The following GLMN variants were observed in gnomAD, a reference collection of about 807,000 sequenced individuals.
GLMN encodes the protein glomulin, FKBP associated protein, also known as glomulin.
Under a neutral mutation model 87.8 loss-of-function variants are expected in GLMN, and 75 were observed. The observed-to-expected ratio is 0.85, with a 90% CI of 0.71 to 1.04. GLMN has a LOEUF of 1.04. Among genes scored for constraint, GLMN ranks in the 50% least tolerant of loss-of-function variants. The pLI is 0.00. For synonymous variants in GLMN, 206 were observed against 221.6 expected (o/e 0.93, Z 0.63); for missense variants, 588 against 658.8 (o/e 0.89, Z 1.18).
the GLMN span, among the ~76,000 whole-genome samples, chr1:92,308,361 C>T: frequency 6.6e-6 from 1 of 152,212 alleles, no homozygotes; most frequent in Non-Finnish European, 1.5e-5. Context: ...TTCGACATGA[C>T]TGGGAAGCTA....
chr1:92,269,869 C>A, intron 8 of GLMN, 93 bp from the exon 9 acceptor site: 1 of 856,396 alleles, frequency 1.2e-6, no homozygotes, highest in Non-Finnish European at 1.9e-6. Context: ...TGTATCTCCC[C>A]CAAAAAAGAT....
At chr1:92,299,108 G>A (rs916382901), upstream of GLMN, 7 of 1,520,686 alleles carry the variant, frequency 4.6e-6, no homozygotes, top group African/African-American at 1.4e-5. Context: ...TCTGCCGGCC[G>A]CAAGGCCGGG....
the GLMN span, among the ~76,000 whole-genome samples, chr1:92,308,060 G>T: frequency 6.6e-6 from 1 of 151,824 alleles, no homozygotes; most frequent in Non-Finnish European, 1.5e-5. Context: ...ATGCAGGTTA[G>T]CTAAAAAGCT....
chr1:92,354,047 G>T, the GLMN span, among the ~76,000 whole-genome samples: 1 of 152,092 alleles, frequency 6.6e-6, no homozygotes, highest in African/African-American at 2.4e-5. Flanking sequence ...TGAGCAAAAA[G>T]ATGTGCACTC....
the GLMN span, among the ~76,000 whole-genome samples, chr1:92,317,514 T>A: frequency 1.3e-3 from 193 of 151,596 alleles, no homozygotes; most frequent in African/African-American, 4.4e-3. Context: ...TCAAAAAAAA[T>A]AAAAATAAAA....
At chr1:92,277,993 A>G (rs1647493629) in intron 7 of GLMN, among the ~76,000 whole-genome samples, 1 of 152,154 alleles carries the variant, frequency 6.6e-6, no homozygotes, top group Non-Finnish European at 1.5e-5. Flanking sequence ...TGAGGTATTT[A>G]GCCCTCAACC....
the GLMN span, among the ~76,000 whole-genome samples, chr1:92,321,155 A>G: frequency 6.6e-6 from 1 of 152,218 alleles, no homozygotes; most frequent in African/African-American, 2.4e-5. Flanking sequence ...TTCCTAGTTA[A>G]TAGTCACTAC....
chr1:92,272,178 G>A (rs1656307228), intron 7 of GLMN, among the ~76,000 whole-genome samples: 1 of 152,214 alleles, frequency 6.6e-6, no homozygotes, highest in Admixed American at 6.5e-5. Flanking sequence ...AAACCTGAAA[G>A]TGGATCTTTC....
chr1:92,269,581 G>A (rs956537219), intron 9 of GLMN, 142 bp downstream of exon 9: 15 of 652,560 alleles, frequency 2.3e-5, no homozygotes, highest in African/African-American at 1.3e-4. Flanking sequence ...TGTCTCTCTC[G>A]TGAATTATTT....
Position 92,289,878 on chromosome 1 carries a change from C to A in GLMN, c.394+320G>T, listed in dbSNP as rs909131125. ...AGTACTGCAGACACCACAGAGGTAACCCTTGAAACATGTTTAGAGAGAAAA... is the reference window on the plus strand; with the variant it reads ...AGTACTGCAGACACCACAGAGGTAAACCTTGAAACATGTTTAGAGAGAAAA... On this transcript the variant is annotated intron_variant, in intron 5 of 18. Coordinates refer to ENST00000370360, the MANE Select transcript of GLMN (RefSeq NM_053274.3). 5.3e-5 allele frequency among the ~76,000 whole-genome samples: 8 copies of A among 152,144 alleles called. No homozygotes were observed. In the South Asian group the frequency reaches 1.2e-3, roughly 24 times the overall value.
At chr1:92,358,921 A>G in the GLMN span, among the ~76,000 whole-genome samples, 1 of 152,108 alleles carries the variant, frequency 6.6e-6, no homozygotes, top group Non-Finnish European at 1.5e-5. Context: ...ACAAAACAGA[A>G]AAAACAAATA....
chr1:92,306,218 G>A, the GLMN span, among the ~76,000 whole-genome samples: 8 of 152,238 alleles, frequency 5.3e-5, no homozygotes, highest in Admixed American at 2.6e-4. Context: ...CAAGAGAGGT[G>A]GGAATGGGAA....
At chr1:92,307,415 T>G in the GLMN span, 1 of 570,756 alleles carries the variant, frequency 1.8e-6, no homozygotes. Flanking sequence ...ATGGTTATAT[T>G]TTAAGCATAG....
At chr1:92,364,181 C>G in the GLMN span, among the ~76,000 whole-genome samples, 1 of 152,112 alleles carries the variant, frequency 6.6e-6, no homozygotes, top group African/African-American at 2.4e-5. Context: ...GTAGTGGTAT[C>G]GACCTTCAGG....
intron 15 of GLMN, 25 bp downstream of exon 15, chr1:92,263,598 T>G: frequency 1.0e-6 from 1 of 953,528 alleles, no homozygotes; most frequent in East Asian, 2.4e-5. Flanking sequence ...ATTTACTATG[T>G]GAACTTTGGT....
At position 92,298,965 on chromosome 1, in the gene GLMN, C is replaced by G. The variant is rs1220425263; in HGVS notation, c.-71G>C. The G allele has an allele frequency of 2.0e-6, 1 of 510,220 alleles. No homozygotes were observed. The highest frequency in any genetic ancestry group is 3.5e-6 in the Non-Finnish European group (1 of 288,298). 31.6% of individuals were successfully genotyped at this position (510,220 alleles called of 1,614,324 possible). A position where few individuals can be genotyped will look rare whatever the true frequency, so the allele number is the denominator to read the frequency against. ...CCTCTCCCAGCCGCCGCCACCTCCT[C>G]CGGCGTCTTAGCCCGCTCTTCTGGC... On this transcript the variant is annotated 5_prime_UTR_variant, in exon 1 of 19. Transcript: ENST00000370360.
chr1:92,280,783 G>A (rs1470387723), intron 7 of GLMN, among the ~76,000 whole-genome samples: 1 of 152,174 alleles, frequency 6.6e-6, no homozygotes, highest in Admixed American at 6.5e-5. Context: ...ATGACCTGAT[G>A]GAGCTGAAAA....
chr1:92,302,247 A>C (rs1225866120), upstream of GLMN, among the ~76,000 whole-genome samples: 1 of 152,050 alleles, frequency 6.6e-6, no homozygotes. Flanking sequence ...ACTGCACTCC[A>C]GTCTGGGCAA....
At chr1:92,262,147 T>TA (rs1000389426) in intron 16 of GLMN, among the ~76,000 whole-genome samples, 3 of 151,784 alleles carry the variant, frequency 2.0e-5, no homozygotes, top group Admixed American at 6.6e-5. Flanking sequence ...TTACCTAATT[T>TA]AAAAAAAATT....
Sources: gnomAD v4.1 joint callset for allele counts (sites outside exome capture counted in the v4.1 genomes callset) on GRCh38, gnomAD v4.1.1 for gene constraint, MANE v1.5 for transcripts, NCBI Gene and HGNC (gene_info 2026-07-23, HGNC 2026-07-21) for gene names.